HERC2: variants seen among roughly 807,000 people sequenced by gnomAD.
HERC2 encodes E3 ubiquitin-protein ligase HERC2.
Under a neutral mutation model 537.7 loss-of-function variants are expected in HERC2, and 102 were observed. The ratio of observed to expected loss-of-function variants is 0.19; its 90% CI spans 0.16 to 0.22. The LOEUF (loss-of-function observed/expected upper bound fraction) is 0.22, where lower values mean the gene tolerates loss of function less well. Among genes scored for constraint, HERC2 ranks in the 10% least tolerant of loss-of-function variants. The pLI is 1.00. For missense variants in HERC2, 4,236 were observed against 6,198.2 expected, an observed-to-expected ratio of 0.68 and a Z score of 10.63; for synonymous variants, 2,224 against 2,466.2, an observed-to-expected ratio of 0.90 and a Z score of 2.91.
At chr15:28,315,373 C>T (rs900006872) in intron 2 of HERC2, among the ~76,000 whole-genome samples, 6 of 152,346 alleles carry the variant, frequency 3.9e-5, no homozygotes, top group South Asian at 2.1e-4. Flanking sequence ...AGACTGGAGC[C>T]GAAGGGCGGC....
At chr15:28,148,753 C>T (rs1293059548) in intron 70 of HERC2, among the ~76,000 whole-genome samples, 4 of 150,270 alleles carry the variant, frequency 2.7e-5, no homozygotes, top group African/African-American at 7.4e-5. Context: ...GTAAAACTAC[C>T]GAAGAAACAC....
Position 28,132,829 on chromosome 15 carries a change from G to T in HERC2, c.12232C>A (p.Pro4078Thr), listed in dbSNP as rs1890242234. Residue 4078 changes from proline (P) to threonine (T), a missense_variant and splice_region_variant, in exon 80 of 93, where the codon CCG becomes ACG. Physicochemically the swap from Pro to Thr is conservative, Grantham distance 38 (BLOSUM62 -1). This residue lies in a region of HERC2 where 94 missense variants were observed against 137.4 expected (regional missense o/e 0.68). Coordinates refer to ENST00000261609, the MANE Select transcript of HERC2 (RefSeq NM_004667.6). ...DGKLGHGNRS[P>T]CDRPRVIESL... ...TCGATGACACGAGGGCGGTCACACG[G>T]ACTGCAAAAAAGTCACCAAATATAA... 1 of 1,534,602 alleles carries T rather than the reference G, an allele frequency of 6.5e-7. No individual in the cohort carries two copies. Among genetic ancestry groups the T allele is most frequent in the Non-Finnish European group, 8.8e-7 (1 of 1,138,732 alleles).
chr15:28,276,002 T>C lies in HERC2; in HGVS notation c.543-997A>G, dbSNP rs145747085. On this transcript the variant is annotated intron_variant, in intron 5 of 92. Transcript: ENST00000261609. ...CAGAGTTCAAGACCAGCCTGGCCAA[T>C]ATGACGAAACCCTGTCTCCACTAAA... 4.3e-3 allele frequency among the ~76,000 whole-genome samples: 657 copies of C among 151,178 alleles called. 6 individuals carry two copies. Among genetic ancestry groups the C allele is most frequent in the African/African-American group, 0.015 (617 of 41,210 alleles).
chr15:28,215,795 T>C lies in HERC2; in HGVS notation c.6036A>G (p.Pro2012=). Residue 2012 remains proline (P), a synonymous_variant, in exon 39 of 93, where the codon CCA becomes CCG. Transcript: ENST00000261609. Reference sequence around the variant, plus strand: ...GTTGCTCCCTGTACACCAGCCTGTTTGGAGAAGCTGCAGGAGGGAAAATAG... The same window carrying C: ...GTTGCTCCCTGTACACCAGCCTGTTCGGAGAAGCTGCAGGAGGGAAAATAG... The part of the protein sequence containing the change: ...ESGTTDKTSS[P]NRLVYREQHR... 1 of 1,606,000 alleles carries C rather than the reference T, an allele frequency of 6.2e-7. No homozygotes were observed. Among genetic ancestry groups the C allele is most frequent in the South Asian group, 1.1e-5 (1 of 90,486 alleles).
intron 55 of HERC2, among the ~76,000 whole-genome samples, chr15:28,190,011 C>CT (rs72036273): frequency 0.087 from 11,957 of 137,738 alleles, 953 homozygotes; most frequent in East Asian, 0.42. Context: ...TTCTTTCTTT[C>CT]TTTTTTTTTT....
chr15:28,294,892 T>C (rs930021437), intron 3 of HERC2, among the ~76,000 whole-genome samples: 4 of 151,978 alleles, frequency 2.6e-5, no homozygotes, highest in Non-Finnish European at 5.9e-5. Context: ...TCTTCTAGGG[T>C]TATAAACAGA....
intron 70 of HERC2, 48 bp from the exon 71 acceptor site, chr15:28,146,392 C>A (rs774421623): frequency 7.8e-6 from 10 of 1,283,566 alleles, no homozygotes; most frequent in Non-Finnish European, 1.1e-5. Context: ...CAGATCAGCA[C>A]CCAAAGTAGA....
At chr15:28,130,040 T>G (rs1889944728) in intron 83 of HERC2, 123 bp downstream of exon 83, 1 of 1,215,990 alleles carries the variant, frequency 8.2e-7, no homozygotes, top group Non-Finnish European at 1.2e-6. Flanking sequence ...CCCAAAGTGC[T>G]GGGGCAACAG....
intron 16 of HERC2, among the ~76,000 whole-genome samples, chr15:28,258,894 A>T (rs2075341614): frequency 6.6e-6 from 1 of 152,236 alleles, no homozygotes; most frequent in Admixed American, 6.5e-5. Context: ...AGAATGAATG[A>T]AGGGACATCA....
chr15:28,122,205 G>A lies in HERC2; in HGVS notation c.13189-776C>T, dbSNP rs11074321. On this transcript the variant is annotated intron_variant, in intron 85 of 92. Coordinates refer to ENST00000261609, the MANE Select transcript of HERC2 (RefSeq NM_004667.6). This position sits in a 1 kb window ranked among gnomAD's most constrained non-coding sequence, Gnocchi z 4.1. ...GGGCGTGGCCAAACATCAGCACCACGGTGAGGACCCAGCCGTTCCCCAGGA... is the reference window on the plus strand; with the variant it reads ...GGGCGTGGCCAAACATCAGCACCACAGTGAGGACCCAGCCGTTCCCCAGGA... Among the ~76,000 whole-genome samples the A allele has an allele frequency of 0.85, 128,202 of 151,068 alleles. 57,859 individuals carry two copies. The highest frequency in any genetic ancestry group is 0.99 in the Non-Finnish European group (67,048 of 67,526).
intron 4 of HERC2, among the ~76,000 whole-genome samples, chr15:28,289,052 G>A (rs1465353800): frequency 2.0e-5 from 3 of 151,700 alleles, no homozygotes; most frequent in African/African-American, 7.3e-5. Flanking sequence ...CTCAGGCAGT[G>A]TAATACCATT....
rs771998576 is a variant in HERC2 at position 28,215,693 on chromosome 15, C to A, written c.6138G>T (p.Pro2046=). The part of the protein sequence containing the change: ...TPQVCGALSS[P]QWITLLMKVV... ...CCTTCATGAGCAGCGTGATCCACTG[C>A]GGGGAGCTGAGGGCGCCGCATACCT... is the stretch of plus-strand genomic sequence containing the variant. Residue 2046 remains proline (P), a synonymous_variant, in exon 39 of 93, where the codon CCG becomes CCT. Coordinates refer to ENST00000261609, the MANE Select transcript of HERC2 (RefSeq NM_004667.6). 11 of 1,611,966 alleles carry A rather than the reference C, an allele frequency of 6.8e-6. No homozygotes were observed. The highest frequency in any genetic ancestry group is 1.7e-5 in the Admixed American group (1 of 60,022).
rs992768951 is a variant in HERC2, at chr15:28,198,361, T to A, written c.8011+17A>T. Reference sequence around the variant, plus strand: ...GAAAAGTTAACATCAGGAATTTTATTACCCAGATAATATTACCTTTCACAA... The same window carrying A: ...GAAAAGTTAACATCAGGAATTTTATAACCCAGATAATATTACCTTTCACAA... On this transcript the variant is annotated intron_variant, in intron 50 of 92. Coordinates refer to ENST00000261609, the MANE Select transcript of HERC2 (RefSeq NM_004667.6). The A allele has an allele frequency of 6.2e-7, 1 of 1,606,976 alleles. No individual in the cohort carries two copies. The highest frequency in any genetic ancestry group is 1.3e-5 in the African/African-American group (1 of 74,542).
chr15:28,210,759 C>A lies in HERC2; in HGVS notation c.7069+243G>T, dbSNP rs202230749. ...ACCAATCTTGCTGACCCATGCAGCA[C>A]ACTTTAAATGGGAAGGCATGAAAAT... On this transcript the variant is annotated intron_variant, in intron 44 of 92. Coordinates refer to ENST00000261609, the MANE Select transcript of HERC2 (RefSeq NM_004667.6). Among the ~76,000 whole-genome samples, 566 of 146,348 alleles carry A rather than the reference C, an allele frequency of 3.9e-3. 1 individual carries two copies. The East Asian group carries it at 0.069, about 18-fold the overall frequency.
chr15:28,241,209 C>T (rs918562517), intron 23 of HERC2, among the ~76,000 whole-genome samples: 2 of 151,978 alleles, frequency 1.3e-5, no homozygotes, highest in South Asian at 4.2e-4. Flanking sequence ...AAAACACGGG[C>T]AAAAGACTTG....
chr15:28,169,765 G>T, intron 65 of HERC2, 110 bp from the exon 66 acceptor site: 1 of 1,000,766 alleles, frequency 1.0e-6, no homozygotes, highest in Non-Finnish European at 1.5e-6. Flanking sequence ...TCTGCATTTT[G>T]CTATTTCACA....
chr15:28,156,787 T>C (rs1441493307), intron 69 of HERC2, among the ~76,000 whole-genome samples: 1 of 152,230 alleles, frequency 6.6e-6, no homozygotes, highest in East Asian at 1.9e-4. Context: ...TCCAACACTA[T>C]GTTGAACAGG....
At chr15:28,148,415 A>G (rs1891993765) in intron 70 of HERC2, among the ~76,000 whole-genome samples, 2 of 152,216 alleles carry the variant, frequency 1.3e-5, no homozygotes, top group African/African-American at 4.8e-5. Flanking sequence ...TCTAAAAGGC[A>G]TGAACTATGC....
At position 28,265,907 on chromosome 15, in the gene HERC2, T is replaced by C. The variant is rs2075553940; in HGVS notation, c.1666A>G (p.Ile556Val). The C allele has an allele frequency of 6.2e-7, 1 of 1,614,060 alleles. No individual in the cohort carries two copies. Among genetic ancestry groups the C allele is most frequent in the African/African-American group, 1.3e-5 (1 of 74,940 alleles). ...GCACTGTAAGTGCTCCCGCAAGCGA[T>C]GTGCACCACGTGCTTCCCGGCCTGC... The part of the protein sequence containing the change: ...GKQAGKHVVH[I>V]ACGSTYSAAI... The change falls in exon 13 of 93, where the codon ATC becomes GTC. Residue 556 changes from isoleucine to valine, a missense_variant. Physicochemically the swap from Ile to Val is conservative, Grantham distance 29. Transcript: ENST00000261609. This position sits in a 1 kb window ranked among gnomAD's most constrained non-coding sequence, Gnocchi z 4.0.
Sources: allele counts gnomAD v4.1 joint callset (sites outside exome capture counted in the v4.1 genomes callset), GRCh38; gene constraint gnomAD v4.1.1; regional missense constraint gnomAD v4.1.1; non-coding constraint Gnocchi (gnomAD v3.1); transcripts MANE v1.5; gene names NCBI Gene and HGNC (gene_info 2026-07-23, HGNC 2026-07-21).